DNMBP: variants seen among roughly 807,000 people sequenced by gnomAD.
DNMBP encodes the protein dynamin-binding protein.
Under a neutral mutation model 150.0 loss-of-function variants are expected in DNMBP, and 87 were observed. That is an observed-to-expected ratio of 0.58 (90% CI 0.49 to 0.69). The LOEUF (loss-of-function observed/expected upper bound fraction) is 0.69, where lower values mean the gene tolerates loss of function less well. Among genes scored for constraint, DNMBP ranks in the 30% least tolerant of loss-of-function variants. DNMBP has a pLI of 0.00. For missense variants in DNMBP, 1,774 were observed against 1,949.0 expected (o/e 0.91, Z 1.69); for synonymous variants, 711 against 750.4 (o/e 0.95, Z 0.86).
At chr10:100,002,779 C>A (rs1319228316) in intron 1 of DNMBP, among the ~76,000 whole-genome samples, 1 of 152,088 alleles carries the variant, frequency 6.6e-6, no homozygotes, top group African/African-American at 2.4e-5. Flanking sequence ...CATCTTATTT[C>A]CTCAAGGACA....
At position 99,955,272 on chromosome 10, in the gene DNMBP, A is replaced by C. The variant is rs2040471206; in HGVS notation, c.2202T>G (p.Asp734Glu). The change falls in exon 4 of 17, where the codon GAT (aspartate) becomes GAG (glutamate). Residue 734 changes from aspartate (D) to glutamate (E), a missense_variant. Asp to Glu is a conservative substitution (Grantham distance 45). Around this residue, in one of 2 missense-constraint regions of DNMBP, gnomAD observed 1,430 missense variants for 1,492.5 expected, o/e 0.96. Transcript: ENST00000324109. ...DESSRAETLE[D>E]LKFCESNIES... ...CAATGTTACTTTCACAGAACTTGAG[A>C]TCCTCGAGGGTCTCTGCTCTTGATG... 3 of 1,613,992 alleles carry C rather than the reference A, an allele frequency of 1.9e-6. No homozygotes were observed. Among genetic ancestry groups the C allele is most frequent in the Non-Finnish European group, 1.7e-6 (2 of 1,179,978 alleles).
chr10:99,883,001 C>T (rs1056465346), intron 15 of DNMBP, among the ~76,000 whole-genome samples: 2 of 151,834 alleles, frequency 1.3e-5, no homozygotes, highest in South Asian at 2.1e-4. Flanking sequence ...GAGCTGAGAT[C>T]GTGCTGCTGC....
In DNMBP at chr10:99,956,087, T is replaced by C. The variant is rs1457680083; in HGVS notation, c.1387A>G (p.Arg463Gly). Residue 463 changes from arginine to glycine, a missense_variant, in exon 4 of 17, where the codon AGA becomes GGA. Transcript: ENST00000324109. ...TRDYASLPPK[R>G]MYSQLKTLQK... Reference sequence around the variant, plus strand: ...AGAGTTTTTAGCTGGGAATACATTCTTTTGGGAGGTAGGCTGGCATAGTCT... The same window carrying C: ...AGAGTTTTTAGCTGGGAATACATTCCTTTGGGAGGTAGGCTGGCATAGTCT... The C allele has an allele frequency of 4.3e-6, 7 of 1,614,080 alleles. No individual in the cohort carries two copies. Among genetic ancestry groups the C allele is most frequent in the Non-Finnish European group, 5.1e-6 (6 of 1,180,032 alleles).
chr10:99,990,370 T>C (rs1365161424), intron 1 of DNMBP, among the ~76,000 whole-genome samples: 1 of 151,766 alleles, frequency 6.6e-6, no homozygotes, highest in Non-Finnish European at 1.5e-5. Flanking sequence ...CTGGGCAACA[T>C]GGTGAAACTC....
chr10:99,973,740 G>A (rs529458860), intron 1 of DNMBP, among the ~76,000 whole-genome samples: 4 of 152,372 alleles, frequency 2.6e-5, no homozygotes, highest in Admixed American at 6.5e-5. Context: ...AGCACTTTGC[G>A]AGGCCAAGGC....
At position 99,876,890 on chromosome 10, in the gene DNMBP, C is replaced by T. The variant is rs1290368312; in HGVS notation, c.*261G>A. ...AGTTTCTCCTTTCCAAAAGCCAGCT[C>T]TAAGACTTGTCTCTCTTCTCATAGT... is the stretch of plus-strand genomic sequence containing the variant. On this transcript the variant is annotated 3_prime_UTR_variant, in exon 17 of 17. Coordinates refer to ENST00000324109, the MANE Select transcript of DNMBP (RefSeq NM_015221.4). The T allele has an allele frequency of 2.6e-6, 1 of 377,668 alleles. No individual in the cohort carries two copies. The highest frequency in any genetic ancestry group is 4.7e-6 in the Non-Finnish European group (1 of 212,952). 23.4% of individuals were successfully genotyped at this position (377,668 alleles called of 1,614,324 possible). A position where few individuals can be genotyped will look rare whatever the true frequency, so the allele number is the denominator to read the frequency against.
intron 4 of DNMBP, among the ~76,000 whole-genome samples, chr10:99,912,485 G>GC (rs914811383): frequency 6.6e-6 from 1 of 151,994 alleles, no homozygotes; most frequent in Non-Finnish European, 1.5e-5. Context: ...CTTCCCCTGT[G>GC]CCCCCACCCC....
intron 4 of DNMBP, among the ~76,000 whole-genome samples, chr10:99,938,452 G>A (rs2040257174): frequency 6.6e-6 from 1 of 152,224 alleles, no homozygotes; most frequent in Admixed American, 6.5e-5. Context: ...GCTGAGGCAG[G>A]AGAATCGCTT....
chr10:99,981,695 T>C (rs1041279555), intron 1 of DNMBP, among the ~76,000 whole-genome samples: 1 of 152,162 alleles, frequency 6.6e-6, no homozygotes, highest in Non-Finnish European at 1.5e-5. Context: ...CAGCCTACCC[T>C]GTGTTCCCGG....
At chr10:99,959,414 A>C (rs2040536468) in intron 3 of DNMBP, among the ~76,000 whole-genome samples, 1 of 152,136 alleles carries the variant, frequency 6.6e-6, no homozygotes. Context: ...TGAACCTGGG[A>C]AGTCAAGGCT....
chr10:99,895,931 A>G (rs572614325), intron 10 of DNMBP, among the ~76,000 whole-genome samples: 3 of 152,224 alleles, frequency 2.0e-5, no homozygotes, highest in South Asian at 2.1e-4. Flanking sequence ...AATCTCTTAC[A>G]CTTAACGTTT....
In DNMBP at chr10:99,969,231, A is replaced by T; in HGVS notation, c.152T>A (p.Phe51Tyr). The change falls in exon 3 of 17, where the codon TTC (phenylalanine) becomes TAC (tyrosine). Residue 51 changes from phenylalanine to tyrosine, a missense_variant. Physicochemically the swap from Phe to Tyr is conservative, Grantham distance 22. This residue lies in a region of DNMBP where 344 missense variants were observed against 456.6 expected (regional missense o/e 0.75). Coordinates refer to ENST00000324109, the MANE Select transcript of DNMBP (RefSeq NM_015221.4). Reference sequence around the variant, plus strand: ...CACAATTTCCACAAAACTGCTGGGGAATTGTCCTGAAAATAAAAGCAAACA... The same window carrying T: ...CACAATTTCCACAAAACTGCTGGGGTATTGTCCTGAAAATAAAAGCAAACA... ...LGKKEDVTGQFPSSFVEIVTI... is the reference protein window; with the variant it reads ...LGKKEDVTGQYPSSFVEIVTI... The T allele has an allele frequency of 1.2e-6, 2 of 1,614,024 alleles. No individual in the cohort carries two copies. Among genetic ancestry groups the T allele is most frequent in the Non-Finnish European group, 1.7e-6 (2 of 1,179,944 alleles).
At chr10:99,924,312 G>A (rs551053032) in intron 4 of DNMBP, among the ~76,000 whole-genome samples, 9 of 151,978 alleles carry the variant, frequency 5.9e-5, no homozygotes, top group East Asian at 3.9e-4. Flanking sequence ...GCGTGGTGGC[G>A]GGCACCTGTA....
intron 4 of DNMBP, among the ~76,000 whole-genome samples, chr10:99,946,784 G>A (rs1320152428): frequency 2.6e-5 from 4 of 151,884 alleles, no homozygotes; most frequent in Non-Finnish European, 4.4e-5. Context: ...TATCAACAGA[G>A]TAAACAGACA....
rs192130132 is a variant in DNMBP at position 99,998,173 on chromosome 10, T to G, written c.-11+11665A>C. ...TCGCTTGAACCCGGGAGGTGGAGGTTGCAATGAGCAGTGATCGCGCCACTG... is the reference window on the plus strand; with the variant it reads ...TCGCTTGAACCCGGGAGGTGGAGGTGGCAATGAGCAGTGATCGCGCCACTG... On this transcript the variant is annotated intron_variant, in intron 1 of 16. Coordinates refer to ENST00000324109, the MANE Select transcript of DNMBP (RefSeq NM_015221.4). Among the ~76,000 whole-genome samples, 830 of 148,248 alleles carry G rather than the reference T, an allele frequency of 5.6e-3. 3 individuals are homozygous for G. Among genetic ancestry groups the G allele is most frequent in the Non-Finnish European group, 8.4e-3 (570 of 67,528 alleles).
chr10:99,981,467 C>A (rs1216866385), intron 1 of DNMBP, among the ~76,000 whole-genome samples: 1 of 152,190 alleles, frequency 6.6e-6, no homozygotes, highest in African/African-American at 2.4e-5. Flanking sequence ...CAGGTATGAG[C>A]CACTGTGCCT....
intron 4 of DNMBP, chr10:99,930,923 A>G: frequency 1.9e-6 from 1 of 518,324 alleles, no homozygotes; most frequent in Non-Finnish European, 3.4e-6. Context: ...GAGCGCAGTG[A>G]GATGTGGAGT....
At chr10:99,932,345 G>A (rs371194474) in intron 4 of DNMBP, among the ~76,000 whole-genome samples, 3 of 152,012 alleles carry the variant, frequency 2.0e-5, no homozygotes, top group East Asian at 3.9e-4. Context: ...ATGACTCCTC[G>A]GATTCCCCCA....
At position 99,956,160 on chromosome 10, in the gene DNMBP, C is replaced by T. The variant is rs746197175; in HGVS notation, c.1314G>A (p.Pro438=). The T allele has an allele frequency of 1.7e-5, 28 of 1,614,056 alleles. No individual in the cohort carries two copies. The highest frequency in any genetic ancestry group is 1.3e-4 in the South Asian group (12 of 91,064). ...GAAGGTCGGGGTACTGTTCTGAGTG[C>T]GGGTGGCTCCCTCCCACTGTAGAAT... is the stretch of plus-strand genomic sequence containing the variant. ...QYYSTVGGSH[P]HSEQYPDLLP... The change falls in exon 4 of 17, where the codon CCG becomes CCA. Residue 438 remains proline (P), a synonymous_variant. Transcript: ENST00000324109.
Sources: allele counts gnomAD v4.1 joint callset (sites outside exome capture counted in the v4.1 genomes callset), GRCh38; gene constraint gnomAD v4.1.1; regional missense constraint gnomAD v4.1.1; transcripts MANE v1.5; gene names NCBI Gene and HGNC (gene_info 2026-07-23, HGNC 2026-07-21).